Variants in COL5A2 observed in about 807,000 individuals in gnomAD.
The protein encoded by COL5A2 is collagen type V alpha 2 chain, also known as collagen alpha-2(V) chain.
Under a neutral mutation model 208.2 loss-of-function variants are expected in COL5A2, and 23 were observed. The observed-to-expected ratio is 0.11, with a 90% CI of 0.08 to 0.16. The LOEUF is 0.16. Among genes scored for constraint, COL5A2 ranks in the 10% least tolerant of loss-of-function variants. The probability of loss-of-function intolerance (pLI) is 1.00; values close to 1 mark genes in which losing one functional copy is unlikely to be tolerated. For missense variants in COL5A2, 1,590 were observed against 1,956.4 expected (o/e 0.81, Z 3.53); for synonymous variants, 625 against 628.5 (o/e 0.99, Z 0.08).
At chr2:189,317,713 T>C in the COL5A2 span, among the ~76,000 whole-genome samples, 1 of 152,182 alleles carries the variant, frequency 6.6e-6, no homozygotes, top group Non-Finnish European at 1.5e-5. Context: ...CAAAGAGTAG[T>C]TAATCTAAAA....
At chr2:189,343,948 T>C in the COL5A2 span, among the ~76,000 whole-genome samples, 1 of 152,202 alleles carries the variant, frequency 6.6e-6, no homozygotes, top group African/African-American at 2.4e-5. Flanking sequence ...TATTTCTATC[T>C]TAATAATTTT....
At chr2:189,254,557 C>T in the COL5A2 span, among the ~76,000 whole-genome samples, 8 of 152,214 alleles carry the variant, frequency 5.3e-5, no homozygotes, top group African/African-American at 1.7e-4. Context: ...CCTGAGCATG[C>T]GCAGAGCAGA....
chr2:189,098,532 A>G (rs1559103452), intron 5 of COL5A2, among the ~76,000 whole-genome samples, 195 bp downstream of exon 5: 1 of 152,230 alleles, frequency 6.6e-6, no homozygotes. Context: ...TCAGTTTCAG[A>G]ATAAAATGAT....
At chr2:189,050,522 T>C in intron 43 of COL5A2, 47 bp downstream of exon 43, 1 of 1,392,292 alleles carries the variant, frequency 7.2e-7, no homozygotes, top group Non-Finnish European at 1.0e-6. Flanking sequence ...TCTAAACAAT[T>C]TGTATTGCAC....
chr2:189,320,508 A>T, the COL5A2 span, among the ~76,000 whole-genome samples: 17 of 152,370 alleles, frequency 1.1e-4, no homozygotes, highest in South Asian at 3.5e-3. Context: ...CACGAGAACT[A>T]CGTGACAAAT....
chr2:189,055,949 T>C (rs958965205), intron 35 of COL5A2, among the ~76,000 whole-genome samples: 1 of 152,234 alleles, frequency 6.6e-6, no homozygotes, highest in Admixed American at 6.5e-5. Flanking sequence ...CCAGATTTAC[T>C]TGACTATTTT....
At chr2:189,199,076 A>G (rs1689040874) in intron 1 of COL5A2, among the ~76,000 whole-genome samples, 1 of 152,186 alleles carries the variant, frequency 6.6e-6, no homozygotes, top group African/African-American at 2.4e-5. Context: ...ATCCTTTCAT[A>G]TGATTATGTT....
chr2:189,319,411 C>G, the COL5A2 span, among the ~76,000 whole-genome samples: 5 of 152,252 alleles, frequency 3.3e-5, no homozygotes, highest in African/African-American at 4.8e-5. Flanking sequence ...AATTCCCTTT[C>G]ATAGCCAAGC....
At chr2:189,218,323 G>T (rs975074728) in intron 1 of COL5A2, among the ~76,000 whole-genome samples, 3 of 152,118 alleles carry the variant, frequency 2.0e-5, no homozygotes, top group African/African-American at 7.2e-5. Flanking sequence ...CCAATGACTG[G>T]TTCCTTTATA....
At chr2:189,193,629 A>C (rs1688958356) in intron 1 of COL5A2, among the ~76,000 whole-genome samples, 1 of 152,186 alleles carries the variant, frequency 6.6e-6, no homozygotes, top group Admixed American at 6.5e-5. Context: ...GTTAAGAGGG[A>C]TTAAATAACA....
intron 1 of COL5A2, among the ~76,000 whole-genome samples, chr2:189,129,393 G>A (rs1687668225): frequency 6.6e-6 from 1 of 151,986 alleles, no homozygotes; most frequent in African/African-American, 2.4e-5. Flanking sequence ...TATGTAAAAT[G>A]TTTGAAAACT....
chr2:189,088,567 G>GAATT, intron 8 of COL5A2, 128 bp downstream of exon 8: 1 of 768,700 alleles, frequency 1.3e-6, no homozygotes, highest in Non-Finnish European at 2.3e-6. Flanking sequence ...TTAAATGAAT[G>GAATT]AATGAATGAA....
At chr2:189,335,311 C>T in the COL5A2 span, among the ~76,000 whole-genome samples, 1 of 152,058 alleles carries the variant, frequency 6.6e-6, no homozygotes, top group African/African-American at 2.4e-5. Flanking sequence ...CAGACAACAA[C>T]AAATATTGGC....
At chr2:189,377,768 G>A in the COL5A2 span, among the ~76,000 whole-genome samples, 1 of 152,200 alleles carries the variant, frequency 6.6e-6, no homozygotes, top group Admixed American at 6.5e-5. Context: ...AAAACTGAGA[G>A]ATTTAGGGTA....
chr2:189,213,830 A>G (rs1436960849), intron 1 of COL5A2, among the ~76,000 whole-genome samples: 2 of 152,194 alleles, frequency 1.3e-5, no homozygotes, highest in East Asian at 1.9e-4. Flanking sequence ...CCTCTGCAGG[A>G]AAGTAGAGAG....
chr2:189,216,061 C>A (rs1314188813), intron 1 of COL5A2, among the ~76,000 whole-genome samples: 1 of 152,042 alleles, frequency 6.6e-6, no homozygotes, highest in Non-Finnish European at 1.5e-5. Context: ...AGAACTCATT[C>A]CTCCTATAAA....
chr2:189,337,002 T>A, the COL5A2 span, among the ~76,000 whole-genome samples: 1 of 152,148 alleles, frequency 6.6e-6, no homozygotes, highest in African/African-American at 2.4e-5. Flanking sequence ...TCTGGCCTAC[T>A]TTTTTATTCA....
the COL5A2 span, among the ~76,000 whole-genome samples, chr2:189,343,215 A>G: frequency 6.6e-6 from 1 of 152,132 alleles, no homozygotes. Flanking sequence ...AATTTACCAT[A>G]GTCCATAATT....
At chr2:189,295,913 C>T in the COL5A2 span, among the ~76,000 whole-genome samples, 2 of 152,116 alleles carry the variant, frequency 1.3e-5, no homozygotes, top group Non-Finnish European at 2.9e-5. Flanking sequence ...TTTTCATCAT[C>T]TTTTTTATTC....
Sources: gnomAD v4.1 joint callset for allele counts (sites outside exome capture counted in the v4.1 genomes callset) on GRCh38, gnomAD v4.1.1 for gene constraint, MANE v1.5 for transcripts, NCBI Gene and HGNC (gene_info 2026-07-23, HGNC 2026-07-21) for gene names.